EYA1: variants seen among roughly 807,000 people sequenced by gnomAD.
EYA1 encodes EYA transcriptional coactivator and phosphatase 1.
A neutral mutation model predicts 82.0 loss-of-function variants in EYA1; 16 were observed. The ratio of observed to expected loss-of-function variants is 0.20; its 90% CI spans 0.13 to 0.30. The LOEUF is 0.30. Ranked by LOEUF, EYA1 falls within the 10% of genes least tolerant of loss-of-function variation. The pLI, the probability that EYA1 is intolerant of heterozygous loss-of-function variation, is 1.00. For missense variants in EYA1, 633 were observed against 730.7 expected (o/e 0.87, Z 1.54); for synonymous variants, 261 against 264.4 (o/e 0.99, Z 0.12).
Position 71,271,860 on chromosome 8 carries a change from T to G in EYA1, c.864A>C (p.Lys288Asn), listed in dbSNP as rs1246643625. Residue 288 changes from lysine (K) to asparagine (N), a missense_variant, in exon 10 of 18, where the codon AAA becomes AAC. By Grantham distance (94) the Lys-to-Asn change is moderately conservative. Coordinates refer to ENST00000340726, the MANE Select transcript of EYA1 (RefSeq NM_000503.6). Reference protein sequence around the residue: ...STIHSPSTPIKDSDSDRLRRG... With the variant: ...STIHSPSTPINDSDSDRLRRG... Reference sequence around the variant, plus strand: ...GACGCAATCGATCAGAATCTGAATCTTTAATGGGTGTTGATGGGCTGTGGA... The same window carrying G: ...GACGCAATCGATCAGAATCTGAATCGTTAATGGGTGTTGATGGGCTGTGGA... 3 of 1,614,204 alleles carry G rather than the reference T, an allele frequency of 1.9e-6. No individual in the cohort carries two copies. In the South Asian group the frequency reaches 3.3e-5, roughly 18 times the overall value.
At chr8:71,260,514 C>G (rs1162621321) in intron 11 of EYA1, among the ~76,000 whole-genome samples, 1 of 152,152 alleles carries the variant, frequency 6.6e-6, no homozygotes, top group African/African-American at 2.4e-5. Context: ...CTAGCAATTG[C>G]TATTCTACTT....
intron 2 of EYA1, among the ~76,000 whole-genome samples, chr8:71,454,006 G>A (rs1807644599): frequency 6.6e-6 from 1 of 152,112 alleles, no homozygotes; most frequent in Admixed American, 6.5e-5. Flanking sequence ...ACCCATCAGT[G>A]TGCTGTATTC....
intron 6 of EYA1, among the ~76,000 whole-genome samples, chr8:71,321,517 T>C (rs554806505): frequency 1.3e-5 from 2 of 152,310 alleles, no homozygotes; most frequent in Admixed American, 6.5e-5. Flanking sequence ...CAAGAAGGCA[T>C]ACGAACCACA....
At chr8:71,493,909 G>C (rs1433379219) in intron 2 of EYA1, among the ~76,000 whole-genome samples, 2 of 145,406 alleles carry the variant, frequency 1.4e-5, no homozygotes, top group Admixed American at 6.9e-5. Flanking sequence ...TGTAGTCCCA[G>C]CTACTTGGGA....
At chr8:71,244,183 C>T (rs985230634) in intron 12 of EYA1, among the ~76,000 whole-genome samples, 1 of 152,146 alleles carries the variant, frequency 6.6e-6, no homozygotes, top group Non-Finnish European at 1.5e-5. Flanking sequence ...ATCTTCCTAC[C>T]AATTGGATCA....
intron 4 of EYA1, 26 bp from the exon 5 acceptor site, chr8:71,322,294 A>G (rs760514571): frequency 6.3e-7 from 1 of 1,588,518 alleles, no homozygotes; most frequent in Non-Finnish European, 8.6e-7. Context: ...AAAACAAAAT[A>G]ATGCACAATA....
At position 71,215,644 on chromosome 8, in the gene EYA1, G is replaced by A. The variant is rs1809095679; in HGVS notation, c.1445C>T (p.Ala482Val). The A allele has an allele frequency of 1.2e-6, 2 of 1,613,974 alleles. No individual in the cohort carries two copies. Among genetic ancestry groups the A allele is most frequent in the Admixed American group, 1.7e-5 (1 of 59,994 alleles). Residue 482 changes from alanine (A) to valine (V), a missense_variant, in exon 15 of 18, where the codon GCC becomes GTC. Ala to Val is a moderately conservative substitution (Grantham distance 64, BLOSUM62 0). Coordinates refer to ENST00000340726, the MANE Select transcript of EYA1 (RefSeq NM_000503.6). ...EALTDSWLTL[A>V]LKALSLIHSR... Reference sequence around the variant, plus strand: ...GTGAATGAGCGAGAGTGCTTTCAGGGCCAGTGTCAACCAGGAGTCGGTCAG... The same window carrying A: ...GTGAATGAGCGAGAGTGCTTTCAGGACCAGTGTCAACCAGGAGTCGGTCAG...
At chr8:71,284,643 C>T (rs562695861) in intron 9 of EYA1, among the ~76,000 whole-genome samples, 1 of 152,226 alleles carries the variant, frequency 6.6e-6, no homozygotes, top group East Asian at 1.9e-4. Flanking sequence ...TGGGCTGTTA[C>T]CTTATTTGTA....
intron 3 of EYA1, among the ~76,000 whole-genome samples, chr8:71,340,510 G>A (rs1190859246): frequency 6.6e-6 from 1 of 152,134 alleles, no homozygotes; most frequent in East Asian, 1.9e-4. Flanking sequence ...CCTTCCCTCT[G>A]ACATTGAATA....
intron 7 of EYA1, among the ~76,000 whole-genome samples, chr8:71,315,999 TC>T (rs1455419518): frequency 6.6e-6 from 1 of 151,914 alleles, no homozygotes; most frequent in Admixed American, 6.6e-5. Flanking sequence ...TAAAAAAAAA[TC>T]ATTCTTAAGG....
intron 9 of EYA1, among the ~76,000 whole-genome samples, chr8:71,281,937 C>A (rs1397367187): frequency 6.6e-6 from 1 of 152,206 alleles, no homozygotes; most frequent in Non-Finnish European, 1.5e-5. Flanking sequence ...GGATGATGGT[C>A]CATGACCTTG....
chr8:71,330,703 A>G (rs1823738059), intron 4 of EYA1, among the ~76,000 whole-genome samples: 1 of 152,242 alleles, frequency 6.6e-6, no homozygotes, highest in Non-Finnish European at 1.5e-5. Flanking sequence ...AAACTGCCAC[A>G]GGCTAATCCA....
intron 2 of EYA1, among the ~76,000 whole-genome samples, chr8:71,465,718 G>A (rs1039915326): frequency 2.6e-5 from 4 of 152,164 alleles, no homozygotes; most frequent in East Asian, 1.9e-4. Context: ...TTATATTCAC[G>A]ATTACTATGG....
intron 2 of EYA1, among the ~76,000 whole-genome samples, chr8:71,373,310 A>C (rs1234242699): frequency 6.6e-6 from 1 of 152,180 alleles, no homozygotes; most frequent in African/African-American, 2.4e-5. Context: ...CAAAATCAAC[A>C]TGTAAATATC....
At chr8:71,532,594 G>A (rs893714861) in intron 2 of EYA1, among the ~76,000 whole-genome samples, 1 of 152,162 alleles carries the variant, frequency 6.6e-6, no homozygotes, top group Admixed American at 6.5e-5. Context: ...AGCTAGCATT[G>A]TGTGAAAAAA....
intron 2 of EYA1, among the ~76,000 whole-genome samples, chr8:71,462,170 C>T (rs776252178): frequency 6.6e-6 from 1 of 152,166 alleles, no homozygotes; most frequent in Non-Finnish European, 1.5e-5. Flanking sequence ...TGCCTCCTGC[C>T]ACCGTCCATG....
intron 2 of EYA1, among the ~76,000 whole-genome samples, chr8:71,485,809 A>G (rs2129218001): frequency 6.6e-6 from 1 of 152,260 alleles, no homozygotes; most frequent in South Asian, 2.1e-4. Flanking sequence ...CAAGTCAGGG[A>G]TTTTTCACTG....
chr8:71,283,372 A>G (rs987256713), intron 9 of EYA1, among the ~76,000 whole-genome samples: 1 of 152,174 alleles, frequency 6.6e-6, no homozygotes, highest in Non-Finnish European at 1.5e-5. Flanking sequence ...GCAGCTGTTC[A>G]TCCTTCCAGC....
Position 71,393,968 on chromosome 8 carries a change from T to G in EYA1, c.34-37457A>C, listed in dbSNP as rs375226413. On this transcript the variant is annotated intron_variant, in intron 2 of 18. Coordinates refer to the EYA1 transcript ENST00000643681. ...TCTCCAGCATCTGTTTCCTGCATTT[T>G]TAATGATTGCCATTCTAACTGGTGT... Among the ~76,000 whole-genome samples the G allele has an allele frequency of 3.2e-4, 48 of 152,330 alleles. 1 individual carries two copies. The South Asian group carries it at 1.0e-2, about 32-fold the overall frequency.
Sources: allele counts gnomAD v4.1 joint callset (sites outside exome capture counted in the v4.1 genomes callset), GRCh38; gene constraint gnomAD v4.1.1; transcripts MANE v1.5; gene names NCBI Gene and HGNC (gene_info 2026-07-23, HGNC 2026-07-21).